The following CNIH3 variants were observed in gnomAD, a reference collection of about 807,000 sequenced individuals.
CNIH3 encodes the protein cornichon family AMPA receptor auxiliary protein 3, also known as protein cornichon homolog 3.
Under a neutral mutation model 24.1 loss-of-function variants are expected in CNIH3, and 14 were observed. That is an observed-to-expected ratio of 0.58 (90% confidence interval 0.38 to 0.91). The LOEUF is 0.91. CNIH3 is among the 40% of genes least tolerant of loss of function. The pLI is 0.00. For synonymous variants in CNIH3, 68 were observed against 73.8 expected (o/e 0.92, Z 0.40); for missense variants, 178 against 196.8 (o/e 0.90, Z 0.57).
chr1:224,618,870 T>A (rs548945692), intron 1 of CNIH3, among the ~76,000 whole-genome samples: 12 of 152,348 alleles, frequency 7.9e-5, no homozygotes, highest in Admixed American at 6.5e-4. Context: ...AATTGAGGCT[T>A]GAAGTTGTTG....
downstream of CNIH3, among the ~76,000 whole-genome samples, chr1:224,592,049 A>G (rs1268876900): frequency 2.0e-5 from 3 of 152,112 alleles, no homozygotes; most frequent in African/African-American, 7.2e-5. Context: ...GCTCATTCAG[A>G]TGACACAGGC....
At chr1:224,490,110 T>A (rs529384127) in intron 1 of CNIH3, among the ~76,000 whole-genome samples, 1 of 152,236 alleles carries the variant, frequency 6.6e-6, no homozygotes, top group South Asian at 2.1e-4. Flanking sequence ...TTGTAGTGAG[T>A]GTTGCAAGGG....
At chr1:224,590,964 TAC>T (rs1448359702), downstream of CNIH3, among the ~76,000 whole-genome samples, 1 of 152,174 alleles carries the variant, frequency 6.6e-6, no homozygotes, top group Non-Finnish European at 1.5e-5. Context: ...CCCCTAAAGT[TAC>T]ATATATAGAA....
chr1:224,569,969 A>T (rs1215159577), intron 4 of CNIH3, among the ~76,000 whole-genome samples: 2 of 152,074 alleles, frequency 1.3e-5, no homozygotes, highest in African/African-American at 4.8e-5. Context: ...GTTTTAGTAG[A>T]CATGGGGTTT....
intron 1 of CNIH3, among the ~76,000 whole-genome samples, chr1:224,518,774 C>A (rs1218696329): frequency 1.3e-5 from 2 of 152,190 alleles, no homozygotes; most frequent in African/African-American, 4.8e-5. Context: ...AGATAGGCAA[C>A]AACCCGTACA....
chr1:224,725,924 C>T (rs191055138), intron 3 of CNIH3, among the ~76,000 whole-genome samples: 93 of 152,246 alleles, frequency 6.1e-4, no homozygotes, highest in Admixed American at 2.0e-3. Flanking sequence ...ACTTGGCACA[C>T]GATTCTATTG....
At chr1:224,565,582 A>G (rs1379406821) in intron 3 of CNIH3, 1 of 152,550 alleles carries the variant, frequency 6.6e-6, no homozygotes, top group Non-Finnish European at 1.5e-5. Context: ...GCTGTTCTCC[A>G]GATTGAGGCT....
chr1:224,435,159 G>C, intron 1 of CNIH3: 1 of 986,180 alleles, frequency 1.0e-6, no homozygotes, highest in South Asian at 4.7e-5. Flanking sequence ...TGCGCGGAGG[G>C]ACTGCACCTT....
At chr1:224,466,068 G>A (rs1676142328) in intron 1 of CNIH3, among the ~76,000 whole-genome samples, 1 of 152,056 alleles carries the variant, frequency 6.6e-6, no homozygotes, top group South Asian at 2.1e-4. Flanking sequence ...CCCAGAAATT[G>A]GCATTAGTAC....
At chr1:224,575,277 G>T in intron 4 of CNIH3, 2 of 1,140,716 alleles carry the variant, frequency 1.8e-6, no homozygotes, top group Non-Finnish European at 2.7e-6. Flanking sequence ...CTTCAACTTT[G>T]AACTGAACAG....
At chr1:224,594,760 G>A (rs1208563142) in intron 3 of CNIH3, among the ~76,000 whole-genome samples, 2 of 152,228 alleles carry the variant, frequency 1.3e-5, no homozygotes, top group African/African-American at 4.8e-5. Flanking sequence ...GACTAAGGCA[G>A]AGGAATATTG....
chr1:224,468,339 C>CT (rs1263238743), intron 1 of CNIH3, among the ~76,000 whole-genome samples: 7 of 151,996 alleles, frequency 4.6e-5, no homozygotes, highest in African/African-American at 1.7e-4. Context: ...TTTAGGTCTT[C>CT]TGTGATTTCT....
intron 1 of CNIH3, among the ~76,000 whole-genome samples, chr1:224,505,475 A>G (rs1329551986): frequency 6.6e-6 from 1 of 152,198 alleles, no homozygotes; most frequent in African/African-American, 2.4e-5. Context: ...TTATTTTCAC[A>G]GGGGAGAGAA....
chr1:224,494,936 A>G (rs915194371), intron 1 of CNIH3, among the ~76,000 whole-genome samples: 2 of 151,948 alleles, frequency 1.3e-5, no homozygotes, highest in Non-Finnish European at 2.9e-5. Flanking sequence ...GCCTACCTCC[A>G]CTTTCCCCTA....
chr1:224,560,963 G>T (rs1680348896), intron 3 of CNIH3, among the ~76,000 whole-genome samples: 1 of 151,952 alleles, frequency 6.6e-6, no homozygotes, highest in South Asian at 2.1e-4. Flanking sequence ...ATTTCAATTT[G>T]CATTTCCCTC....
Position 224,739,616 on chromosome 1 carries a change from G to T in CNIH3, c.*260G>T. The T allele has an allele frequency of 1.7e-6, 1 of 581,600 alleles. No individual in the cohort carries two copies. Among genetic ancestry groups the T allele is most frequent in the Non-Finnish European group, 2.9e-6 (1 of 343,384 alleles). 36.0% of individuals were successfully genotyped at this position (581,600 alleles called of 1,614,324 possible). A position where few individuals can be genotyped will look rare whatever the true frequency, so the allele number is the denominator to read the frequency against. On this transcript the variant is annotated 3_prime_UTR_variant, in exon 6 of 6. Coordinates refer to ENST00000272133, the MANE Select transcript of CNIH3 (RefSeq NM_152495.2). ...TCCTAGAGCCCTTCTGAGCATCAGT[G>T]GTGTGGGGGAGTAGGTGACGAAACA...
chr1:224,736,281 T>G (rs1432775024), intron 5 of CNIH3, among the ~76,000 whole-genome samples: 1 of 152,108 alleles, frequency 6.6e-6, no homozygotes, highest in East Asian at 1.9e-4. Context: ...TGTACCACCA[T>G]GCTCGGCTAA....
At chr1:224,574,226 C>A (rs924877022) in intron 4 of CNIH3, among the ~76,000 whole-genome samples, 1 of 152,176 alleles carries the variant, frequency 6.6e-6, no homozygotes, top group Non-Finnish European at 1.5e-5. Context: ...CACTGCTTCA[C>A]GTCAGGTACC....
At chr1:224,453,402 G>A (rs780011580) in intron 1 of CNIH3, among the ~76,000 whole-genome samples, 6 of 151,588 alleles carry the variant, frequency 4.0e-5, no homozygotes, top group East Asian at 3.9e-4. Context: ...TGCCCAGGCT[G>A]GTCTTGAACT....
Sources: allele counts gnomAD v4.1 joint callset (sites outside exome capture counted in the v4.1 genomes callset), GRCh38; gene constraint gnomAD v4.1.1; transcripts MANE v1.5; gene names NCBI Gene and HGNC (gene_info 2026-07-23, HGNC 2026-07-21).